Variants in MYO18B observed in about 807,000 individuals in gnomAD.
MYO18B encodes the protein unconventional myosin-XVIIIb.
Under a neutral mutation model 273.0 loss-of-function variants are expected in MYO18B, and 204 were observed. That is an observed-to-expected ratio of 0.75 (90% CI 0.67 to 0.84). The LOEUF (loss-of-function observed/expected upper bound fraction) is 0.84, where lower values mean the gene tolerates loss of function less well. Among genes scored for constraint, MYO18B ranks in the 40% least tolerant of loss-of-function variants. The pLI is 0.00. For missense variants in MYO18B, 3,212 were observed against 3,287.6 expected (o/e 0.98, Z 0.56); for synonymous variants, 1,330 against 1,305.7 (o/e 1.02, Z -0.40).
At position 25,890,782 on chromosome 22, in the gene MYO18B, C is replaced by T. The variant is rs769532295; in HGVS notation, c.4341C>T (p.Ala1447=). ...TTGCTGACTTGACCTCTGACCTTGC[C>T]GATGAGCGCTTCAAAGGTGATGTGG... ...SKIADLTSDL[A]DERFKGDVAC... Residue 1447 remains alanine (A), a synonymous_variant, in exon 26 of 44, where the codon GCC becomes GCT. Transcript: ENST00000335473. 1.5e-4 allele frequency: 238 copies of T among 1,613,764 alleles called. No homozygotes were observed. The highest frequency in any genetic ancestry group is 1.9e-4 in the Non-Finnish European group (227 of 1,179,870).
intron 28 of MYO18B, chr22:25,896,520 T>C (rs1471930360): frequency 6.6e-6 from 1 of 152,244 alleles, no homozygotes; most frequent in Non-Finnish European, 1.5e-5. Context: ...ACCATTACTG[T>C]TAGGGCTTTG....
chr22:25,928,299 G>A (rs1569200819), intron 34 of MYO18B, among the ~76,000 whole-genome samples: 1 of 149,964 alleles, frequency 6.7e-6, no homozygotes, highest in African/African-American at 2.5e-5. Flanking sequence ...CAGGTGCAAT[G>A]TCTCACACCT....
At chr22:26,036,255 A>G in the MYO18B span, among the ~76,000 whole-genome samples, 3 of 152,340 alleles carry the variant, frequency 2.0e-5, no homozygotes, top group Admixed American at 1.3e-4. Context: ...TTAGCTGTCA[A>G]TATAGGCAGC....
Position 26,004,140 on chromosome 22 carries a change from A to G in MYO18B, c.6333-578A>G, listed in dbSNP as rs189414873. On this transcript the variant is annotated intron_variant, in intron 41 of 43. Coordinates refer to ENST00000335473, the MANE Select transcript of MYO18B (RefSeq NM_032608.7). ...ATAAATAATATTAATAAATATACAC[A>G]CATACATATACACACACATATACAT... is the stretch of plus-strand genomic sequence containing the variant. Among the ~76,000 whole-genome samples the G allele has an allele frequency of 2.4e-3, 364 of 151,882 alleles. 1 individual carries two copies. The highest frequency in any genetic ancestry group is 8.3e-3 in the African/African-American group (346 of 41,464).
intron 11 of MYO18B, among the ~76,000 whole-genome samples, chr22:25,793,840 T>G (rs2087783821): frequency 6.6e-6 from 1 of 152,232 alleles, no homozygotes; most frequent in Admixed American, 6.5e-5. Flanking sequence ...TATCCATTGA[T>G]TTTTAAAAAT....
chr22:25,998,368 G>GT (rs1933566186), intron 40 of MYO18B, among the ~76,000 whole-genome samples: 1 of 152,196 alleles, frequency 6.6e-6, no homozygotes, highest in African/African-American at 2.4e-5. Context: ...TGGCTAGGGG[G>GT]TAAAGGGGTT....
intron 1 of MYO18B, among the ~76,000 whole-genome samples, chr22:25,747,206 TA>T (rs1202531017): frequency 6.6e-6 from 1 of 152,190 alleles, no homozygotes; most frequent in Non-Finnish European, 1.5e-5. Flanking sequence ...GGGAACCTGT[TA>T]CCAAAAGTCT....
At chr22:25,890,140 A>C (rs2146274078) in intron 25 of MYO18B, among the ~76,000 whole-genome samples, 1 of 152,340 alleles carries the variant, frequency 6.6e-6, no homozygotes, top group African/African-American at 2.4e-5. Flanking sequence ...TTATAAGTTT[A>C]TGTAGTAGCT....
chr22:25,914,381 C>T (rs966110910), intron 33 of MYO18B, among the ~76,000 whole-genome samples: 3 of 152,046 alleles, frequency 2.0e-5, no homozygotes, highest in Non-Finnish European at 2.9e-5. Flanking sequence ...ATGCCCTCTC[C>T]ATTTATTTGT....
At chr22:25,986,868 T>C (rs1408132907) in intron 39 of MYO18B, among the ~76,000 whole-genome samples, 1 of 152,184 alleles carries the variant, frequency 6.6e-6, no homozygotes, top group Non-Finnish European at 1.5e-5. Context: ...TACACATGCA[T>C]GTATTGTACA....
intron 39 of MYO18B, among the ~76,000 whole-genome samples, chr22:25,967,831 G>A (rs1224445099): frequency 1.3e-5 from 2 of 152,170 alleles, no homozygotes; most frequent in African/African-American, 2.4e-5. Context: ...GGGTCAACCC[G>A]TATCTGTTTG....
chr22:25,970,634 A>G (rs773221491), intron 39 of MYO18B, among the ~76,000 whole-genome samples: 21 of 152,322 alleles, frequency 1.4e-4, no homozygotes, highest in Middle Eastern at 6.8e-3. Context: ...AAATGGAAAA[A>G]GAAAGGCAAA....
chr22:25,891,459 G>A (rs2091660053), intron 27 of MYO18B, 47 bp downstream of exon 27: 3 of 1,283,734 alleles, frequency 2.3e-6, no homozygotes, highest in Non-Finnish European at 3.3e-6. Context: ...GGACAAAGTT[G>A]TCTTTCCCAT....
Position 25,767,619 on chromosome 22 carries a change from C to T in MYO18B, c.199-496C>T, listed in dbSNP as rs189131338. On this transcript the variant is annotated intron_variant, in intron 3 of 43. Transcript: ENST00000335473. ...TGAGAACAGGTCCTCTAGTGACAGG[C>T]CCTGAGTCCTTTCCTGGATCCCCTA... Among the ~76,000 whole-genome samples, 13 of 152,252 alleles carry T rather than the reference C, an allele frequency of 8.5e-5. No homozygotes were observed. In the East Asian group the frequency reaches 1.4e-3, roughly 16 times the overall value.
chr22:25,791,997 A>G (rs1010077733), intron 11 of MYO18B, among the ~76,000 whole-genome samples: 2 of 152,194 alleles, frequency 1.3e-5, no homozygotes, highest in Admixed American at 1.3e-4. Context: ...CGTTCTTCCC[A>G]CTGTCATCTC....
At chr22:25,849,677 T>G (rs1366606684) in intron 20 of MYO18B, among the ~76,000 whole-genome samples, 1 of 152,086 alleles carries the variant, frequency 6.6e-6, no homozygotes, top group Non-Finnish European at 1.5e-5. Context: ...GGGAAATGGT[T>G]TGGCCTTGAT....
Position 25,957,920 on chromosome 22 carries a change from T to G in MYO18B, c.6156+2556T>G, listed in dbSNP as rs571130762. ...ATCTACAAACGCTTTTGCTTTTTTT[T>G]TTTTTTTTTTTGGAAACAGAGTCTT... On this transcript the variant is annotated intron_variant, in intron 39 of 43. Transcript: ENST00000335473. Among the ~76,000 whole-genome samples, 316 of 151,216 alleles carry G rather than the reference T, an allele frequency of 2.1e-3. 1 individual carries two copies. The highest frequency in any genetic ancestry group is 3.4e-3 in the Non-Finnish European group (227 of 67,734).
Position 25,846,263 on chromosome 22 carries a change from T to A in MYO18B, c.3532T>A (p.Ser1178Thr). 6.2e-7 allele frequency: 1 copy of A among 1,611,838 alleles called. No individual in the cohort carries two copies. Among genetic ancestry groups the A allele is most frequent in the Non-Finnish European group, 8.5e-7 (1 of 1,179,780 alleles). ...LAAVRRKAPC[S>T]QIKLQMDALT... ...CGCGGTGAGGAGGAAAGCCCCGTGC[T>A]CCCAGATCAAGCTGCAGATGGTGAG... The change falls in exon 19 of 44, where the codon TCC (serine) becomes ACC (threonine). Residue 1178 changes from serine (S) to threonine (T), a missense_variant. Coordinates refer to ENST00000335473, the MANE Select transcript of MYO18B (RefSeq NM_032608.7).
the MYO18B span, among the ~76,000 whole-genome samples, chr22:26,049,108 C>T: frequency 3.8e-4 from 58 of 152,200 alleles, no homozygotes; most frequent in East Asian, 4.6e-3. Context: ...GAATGTAGGA[C>T]GGGAATAGCA....
Sources: allele counts gnomAD v4.1 joint callset (sites outside exome capture counted in the v4.1 genomes callset), GRCh38; gene constraint gnomAD v4.1.1; transcripts MANE v1.5; gene names NCBI Gene and HGNC (gene_info 2026-07-23, HGNC 2026-07-21).